The following IQCM variants were observed in gnomAD, a reference collection of about 807,000 sequenced individuals.
The protein encoded by IQCM is IQ domain-containing protein M.
In IQCM, 45 loss-of-function variants were observed where a neutral mutation model predicts 57.6. That is an observed-to-expected ratio of 0.78 (90% CI 0.62 to 1.00). The LOEUF is 1.00. Among genes scored for constraint, IQCM ranks in the 50% least tolerant of loss-of-function variants. The probability of loss-of-function intolerance (pLI) is 0.00; values close to 1 mark genes in which losing one functional copy is unlikely to be tolerated. For missense variants in IQCM, 468 were observed against 511.6 expected (o/e 0.91, Z 0.82); for synonymous variants, 148 against 158.9 (o/e 0.93, Z 0.51).
chr4:149,433,975 T>A (rs1280598722), intron 12 of IQCM, among the ~76,000 whole-genome samples: 1 of 152,124 alleles, frequency 6.6e-6, no homozygotes, highest in Admixed American at 6.6e-5. Flanking sequence ...ATAATTAATA[T>A]TCCTAGGCTA....
intron 8 of IQCM, among the ~76,000 whole-genome samples, chr4:149,617,344 A>G (rs1755886034): frequency 6.6e-6 from 1 of 152,232 alleles, no homozygotes; most frequent in African/African-American, 2.4e-5. Context: ...ATTTTAAAAA[A>G]TAAACGAAAG....
At chr4:149,710,908 C>T (rs1764511361) in intron 5 of IQCM, 2 of 152,102 alleles carry the variant, frequency 1.3e-5, no homozygotes, top group African/African-American at 4.8e-5. Context: ...AGCTGAATCA[C>T]TTAGCCATAA....
intron 2 of IQCM, among the ~76,000 whole-genome samples, chr4:149,792,193 C>T (rs1270786488): frequency 2.0e-5 from 3 of 152,098 alleles, no homozygotes; most frequent in African/African-American, 7.2e-5. Context: ...ATATTAATTA[C>T]ATCAGAGGGG....
At chr4:149,630,263 C>A (rs992371416) in intron 7 of IQCM, among the ~76,000 whole-genome samples, 1 of 152,154 alleles carries the variant, frequency 6.6e-6, no homozygotes, top group African/African-American at 2.4e-5. Context: ...GCAGTTCTTG[C>A]GGGCAATGGA....
intron 5 of IQCM, among the ~76,000 whole-genome samples, chr4:149,728,440 T>C (rs1467893279): frequency 6.6e-6 from 1 of 152,226 alleles, no homozygotes. Context: ...TTTTCTCCTT[T>C]GTATTCTCTG....
rs552517732 is a variant in IQCM at position 149,779,325 on chromosome 4, A to T, written c.-49+35986T>A. ...GAATAGCTAAAGTATTTTGAAAAAGATGAATAAAGTGGGAAGAATTAAAGT... is the reference window on the plus strand; with the variant it reads ...GAATAGCTAAAGTATTTTGAAAAAGTTGAATAAAGTGGGAAGAATTAAAGT... On this transcript the variant is annotated intron_variant, in intron 2 of 13. Transcript: ENST00000636793. Among the ~76,000 whole-genome samples the T allele has an allele frequency of 2.7e-5, 4 of 148,346 alleles. No individual in the cohort carries two copies. The East Asian group carries it at 8.1e-4, about 30-fold the overall frequency.
intron 7 of IQCM, among the ~76,000 whole-genome samples, chr4:149,625,471 T>G (rs933847346): frequency 6.6e-6 from 1 of 152,204 alleles, no homozygotes; most frequent in African/African-American, 2.4e-5. Context: ...CAAAGTTTTG[T>G]GTAACATAGG....
intron 7 of IQCM, among the ~76,000 whole-genome samples, chr4:149,646,288 T>A (rs1380154526): frequency 6.6e-6 from 1 of 152,230 alleles, no homozygotes; most frequent in Non-Finnish European, 1.5e-5. Context: ...ATCTTTTCTA[T>A]TTCTGAAATA....
In IQCM at chr4:149,624,329, T is replaced by C. The variant is rs180792008; in HGVS notation, c.566-3085A>G. 6.4e-4 allele frequency among the ~76,000 whole-genome samples: 98 copies of C among 152,254 alleles called. 3 individuals carry two copies. Among genetic ancestry groups the C allele is most frequent in the African/African-American group, 2.2e-3 (92 of 41,564 alleles). On this transcript the variant is annotated intron_variant, in intron 7 of 13. Transcript: ENST00000636793. ...GAAATGGGCTTTTAAAATTCTGACT[T>C]TTAGATATTTTTCACCAGACCATCT... is the stretch of plus-strand genomic sequence containing the variant.
intron 13 of IQCM, among the ~76,000 whole-genome samples, chr4:149,393,894 A>C (rs1706321791): frequency 6.6e-6 from 1 of 152,032 alleles, no homozygotes; most frequent in Non-Finnish European, 1.5e-5. Context: ...ATGCAAGAAG[A>C]ATTGGTAAGA....
chr4:149,400,776 C>A (rs1237610945), intron 13 of IQCM, among the ~76,000 whole-genome samples: 1 of 151,824 alleles, frequency 6.6e-6, no homozygotes, highest in Non-Finnish European at 1.5e-5. Flanking sequence ...ATAAATTAGG[C>A]ATGGCCAAAT....
At chr4:149,606,453 CA>C (rs1754790618) in intron 8 of IQCM, among the ~76,000 whole-genome samples, 1 of 152,086 alleles carries the variant, frequency 6.6e-6, no homozygotes, top group African/African-American at 2.4e-5. Context: ...CAAACAAGCC[CA>C]AACCACAAAG....
intron 13 of IQCM, among the ~76,000 whole-genome samples, chr4:149,426,690 A>G (rs1734484209): frequency 6.6e-6 from 1 of 151,974 alleles, no homozygotes; most frequent in South Asian, 2.1e-4. Flanking sequence ...TCATCACCGC[A>G]TACACCTCTC....
intron 7 of IQCM, among the ~76,000 whole-genome samples, chr4:149,680,172 G>GA (rs1762075898): frequency 6.6e-6 from 1 of 150,980 alleles, no homozygotes; most frequent in Admixed American, 6.6e-5. Flanking sequence ...CATTTTAAAG[G>GA]AAAAAAGAAC....
intron 12 of IQCM, among the ~76,000 whole-genome samples, chr4:149,441,915 G>A (rs1735980578): frequency 6.6e-6 from 1 of 152,052 alleles, no homozygotes; most frequent in Non-Finnish European, 1.5e-5. Context: ...CCTAGGTTCA[G>A]CCCTTTTTGT....
At chr4:149,520,848 C>A (rs1161530189) in intron 12 of IQCM, among the ~76,000 whole-genome samples, 2 of 152,104 alleles carry the variant, frequency 1.3e-5, no homozygotes, top group Non-Finnish European at 1.5e-5. Context: ...TCCACCTTGC[C>A]TCCTACTTTG....
At chr4:149,375,058 T>C (rs776830680) in intron 13 of IQCM, among the ~76,000 whole-genome samples, 4 of 151,718 alleles carry the variant, frequency 2.6e-5, no homozygotes, top group African/African-American at 4.8e-5. Context: ...ATTAAGGTAG[T>C]CTCAAATCCA....
At chr4:149,505,628 G>C (rs1416420895) in intron 12 of IQCM, among the ~76,000 whole-genome samples, 1 of 152,154 alleles carries the variant, frequency 6.6e-6, no homozygotes, top group Non-Finnish European at 1.5e-5. Flanking sequence ...GTTTGTTGCT[G>C]ACCTTCTCTT....
chr4:149,693,810 A>G (rs1322841322), intron 5 of IQCM, among the ~76,000 whole-genome samples: 2 of 152,182 alleles, frequency 1.3e-5, no homozygotes, highest in East Asian at 3.9e-4. Context: ...ATTTGTCTGA[A>G]AATAGTGTAT....
Sources: allele counts gnomAD v4.1 joint callset (sites outside exome capture counted in the v4.1 genomes callset), GRCh38; gene constraint gnomAD v4.1.1; transcripts MANE v1.5; gene names NCBI Gene and HGNC (gene_info 2026-07-23, HGNC 2026-07-21).